DACH1: variants seen among roughly 807,000 people sequenced by gnomAD.
DACH1 encodes the protein dachshund homolog 1.
DACH1 carries 12 observed loss-of-function variants against 54.2 expected under a neutral mutation model. That is an observed-to-expected ratio of 0.22 (90% CI 0.14 to 0.36). The LOEUF (loss-of-function observed/expected upper bound fraction) is 0.36, where lower values mean the gene tolerates loss of function less well. Among genes scored for constraint, DACH1 ranks in the 10% least tolerant of loss-of-function variants. The probability of loss-of-function intolerance (pLI) is 1.00; values close to 1 mark genes in which losing one functional copy is unlikely to be tolerated. For synonymous variants in DACH1, 386 were observed against 366.2 expected (o/e 1.05, Z -0.62); for missense variants, 805 against 929.8 (o/e 0.87, Z 1.75).
intron 1 of DACH1, among the ~76,000 whole-genome samples, chr13:71,728,185 C>T (rs1294252823): frequency 6.6e-6 from 1 of 151,954 alleles, no homozygotes; most frequent in African/African-American, 2.4e-5. Flanking sequence ...AGTGCATATA[C>T]TTCAGTATAA....
chr13:71,820,105 G>GAAAAAAAAAAA (rs59126150), intron 1 of DACH1, among the ~76,000 whole-genome samples: 2 of 54,122 alleles, frequency 3.7e-5, no homozygotes, highest in African/African-American at 1.3e-4. Flanking sequence ...TGCCTCTACC[G>GAAAAAAAAAAA]AAAAAAAAAA....
intron 1 of DACH1, among the ~76,000 whole-genome samples, chr13:71,832,148 G>A (rs1192377144): frequency 6.6e-6 from 1 of 151,890 alleles, no homozygotes; most frequent in African/African-American, 2.4e-5. Context: ...AGACAGTAAA[G>A]GATCTTTCTA....
chr13:71,756,955 G>C (rs1430062907), intron 1 of DACH1, among the ~76,000 whole-genome samples: 1 of 152,010 alleles, frequency 6.6e-6, no homozygotes, highest in East Asian at 1.9e-4. Flanking sequence ...AGAAACGATG[G>C]CTCACGTAAC....
intron 1 of DACH1, among the ~76,000 whole-genome samples, chr13:71,794,613 G>A (rs1191973704): frequency 6.6e-6 from 1 of 151,936 alleles, no homozygotes; most frequent in African/African-American, 2.4e-5. Context: ...AATTTTTGTA[G>A]TTTTAGTAGA....
chr13:71,574,395 C>A (rs1220427967), intron 3 of DACH1, among the ~76,000 whole-genome samples: 1 of 152,072 alleles, frequency 6.6e-6, no homozygotes, highest in African/African-American at 2.4e-5. Flanking sequence ...CCTATCAGCT[C>A]ATGACTTTTT....
chr13:71,860,398 G>A (rs918001961), intron 1 of DACH1, among the ~76,000 whole-genome samples: 3 of 148,734 alleles, frequency 2.0e-5, no homozygotes, highest in African/African-American at 7.4e-5. Flanking sequence ...AAATACCCAA[G>A]CCAATAATAT....
At chr13:71,537,845 TTC>T (rs1218347119) in intron 6 of DACH1, among the ~76,000 whole-genome samples, 1 of 152,156 alleles carries the variant, frequency 6.6e-6, no homozygotes, top group Admixed American at 6.6e-5. Flanking sequence ...AATGAATATT[TTC>T]TGTTTACTAG....
chr13:71,515,029 C>T (rs1210454387), intron 6 of DACH1, among the ~76,000 whole-genome samples: 2 of 151,786 alleles, frequency 1.3e-5, no homozygotes, highest in Non-Finnish European at 2.9e-5. Flanking sequence ...TTTGATTTTG[C>T]ACAATGCACA....
chr13:71,705,430 T>C (rs912995064), intron 1 of DACH1, among the ~76,000 whole-genome samples: 3 of 152,194 alleles, frequency 2.0e-5, no homozygotes, highest in African/African-American at 7.2e-5. Context: ...TGTCTGCAAA[T>C]GAGCACTTGC....
chr13:71,791,995 T>A (rs546743133), intron 1 of DACH1, among the ~76,000 whole-genome samples: 1 of 152,198 alleles, frequency 6.6e-6, no homozygotes, highest in African/African-American at 2.4e-5. Flanking sequence ...ACACTCTAAC[T>A]GTATCACTCA....
At chr13:71,503,057 C>G (rs1290702970) in intron 6 of DACH1, among the ~76,000 whole-genome samples, 1 of 152,138 alleles carries the variant, frequency 6.6e-6, no homozygotes, top group Non-Finnish European at 1.5e-5. Flanking sequence ...GCCTTGCCAC[C>G]ATCTCTTGGG....
chr13:71,564,325 AC>A (rs1415335863), intron 4 of DACH1, among the ~76,000 whole-genome samples: 4 of 152,072 alleles, frequency 2.6e-5, no homozygotes, highest in African/African-American at 9.7e-5. Flanking sequence ...GACAGAGAGA[AC>A]GAATATTTAA....
chr13:71,605,704 C>T (rs1422904697), intron 3 of DACH1, among the ~76,000 whole-genome samples: 1 of 151,838 alleles, frequency 6.6e-6, no homozygotes, highest in Non-Finnish European at 1.5e-5. Context: ...GATTCTTCCT[C>T]TTCAATAAGT....
At chr13:71,827,135 T>A (rs1888412173) in intron 1 of DACH1, among the ~76,000 whole-genome samples, 1 of 152,228 alleles carries the variant, frequency 6.6e-6, no homozygotes, top group Non-Finnish European at 1.5e-5. Flanking sequence ...GAGAAAAAGC[T>A]GGACTTTGCT....
At chr13:71,705,066 C>T (rs1013305661) in intron 1 of DACH1, among the ~76,000 whole-genome samples, 16 of 152,128 alleles carry the variant, frequency 1.1e-4, no homozygotes, top group Admixed American at 9.2e-4. Context: ...GATGTTGAAA[C>T]TAGCACTAAG....
At chr13:71,543,713 A>G (rs1883286327) in intron 6 of DACH1, among the ~76,000 whole-genome samples, 1 of 152,096 alleles carries the variant, frequency 6.6e-6, no homozygotes, top group Non-Finnish European at 1.5e-5. Context: ...ACTGATATGG[A>G]GAATGTAGCA....
At chr13:71,619,658 T>C (rs762251253) in intron 3 of DACH1, among the ~76,000 whole-genome samples, 4 of 151,906 alleles carry the variant, frequency 2.6e-5, no homozygotes, top group Non-Finnish European at 4.4e-5. Flanking sequence ...CAAAAATGAA[T>C]ATATTCAGTA....
intron 6 of DACH1, among the ~76,000 whole-genome samples, chr13:71,535,061 T>C (rs1244666216): frequency 5.9e-5 from 9 of 151,884 alleles, no homozygotes; most frequent in African/African-American, 1.9e-4. Flanking sequence ...TCAGAGTTTT[T>C]CTATGTTTCA....
At chr13:71,788,485 T>C (rs1886696908) in intron 1 of DACH1, among the ~76,000 whole-genome samples, 1 of 152,136 alleles carries the variant, frequency 6.6e-6, no homozygotes, top group Non-Finnish European at 1.5e-5. Flanking sequence ...TCAAATAATT[T>C]AATATTGTGA....
Sources: gnomAD v4.1 joint callset for allele counts (sites outside exome capture counted in the v4.1 genomes callset) on GRCh38, gnomAD v4.1.1 for gene constraint, MANE v1.5 for transcripts, NCBI Gene and HGNC (gene_info 2026-07-23, HGNC 2026-07-21) for gene names.